The following PTPRD variants were observed in gnomAD, a reference collection of about 807,000 sequenced individuals.
PTPRD encodes protein tyrosine phosphatase receptor type D.
PTPRD carries 34 observed loss-of-function variants against 214.5 expected under a neutral mutation model. The ratio of observed to expected loss-of-function variants is 0.16; its 90% CI spans 0.12 to 0.21. PTPRD has a LOEUF of 0.21. Among genes scored for constraint, PTPRD ranks in the 10% least tolerant of loss-of-function variants. The pLI, the probability that PTPRD is intolerant of heterozygous loss-of-function variation, is 1.00. For missense variants in PTPRD, 2,545 were observed against 2,398.7 expected, an observed-to-expected ratio of 1.06 and a Z score of -1.27; for synonymous variants, 1,128 against 845.7, an observed-to-expected ratio of 1.33 and a Z score of -5.79.
chr9:9,889,317 G>T (rs150077584), intron 5 of PTPRD, among the ~76,000 whole-genome samples: 1 of 152,190 alleles, frequency 6.6e-6, no homozygotes, highest in East Asian at 1.9e-4. Context: ...GTGTTAACTA[G>T]CTAGATTTAG....
At chr9:8,885,631 G>C (rs2098481103) in intron 11 of PTPRD, among the ~76,000 whole-genome samples, 1 of 151,416 alleles carries the variant, frequency 6.6e-6, no homozygotes, top group Admixed American at 6.6e-5. Flanking sequence ...CTAGTAGCTG[G>C]GATTATGGGT....
chr9:8,559,190 A>G (rs1593748466), intron 14 of PTPRD, among the ~76,000 whole-genome samples: 1 of 152,238 alleles, frequency 6.6e-6, no homozygotes, highest in East Asian at 1.9e-4. Context: ...CTAGCATTCA[A>G]TAGTACAGTA....
chr9:10,240,832 T>A (rs976780691), intron 3 of PTPRD, among the ~76,000 whole-genome samples: 4 of 151,838 alleles, frequency 2.6e-5, no homozygotes, highest in Non-Finnish European at 5.9e-5. Context: ...AATCATGAAC[T>A]ACAAAATTAA....
At chr9:10,335,953 G>A (rs552308348) in intron 3 of PTPRD, among the ~76,000 whole-genome samples, 24 of 151,886 alleles carry the variant, frequency 1.6e-4, no homozygotes, top group African/African-American at 5.5e-4. Flanking sequence ...ATGCTGTCAA[G>A]GATGTGGAAC....
intron 10 of PTPRD, among the ~76,000 whole-genome samples, chr9:9,161,443 T>G (rs1203117443): frequency 6.6e-6 from 1 of 152,106 alleles, no homozygotes; most frequent in Non-Finnish European, 1.5e-5. Flanking sequence ...GCTAAAGTGA[T>G]CACAAGATGC....
At chr9:8,753,921 G>C (rs546656491) in intron 11 of PTPRD, among the ~76,000 whole-genome samples, 10 of 152,068 alleles carry the variant, frequency 6.6e-5, no homozygotes, top group South Asian at 2.1e-4. Context: ...GAGGAGGTTG[G>C]ATCACCTGAG....
intron 43 of PTPRD, among the ~76,000 whole-genome samples, chr9:8,335,770 C>G (rs1161347498): frequency 2.6e-5 from 4 of 152,042 alleles, no homozygotes; most frequent in African/African-American, 9.7e-5. Flanking sequence ...AAATCTCAAG[C>G]TGATAAGAAA....
chr9:9,413,534 A>G (rs2142034717), intron 8 of PTPRD, among the ~76,000 whole-genome samples: 1 of 152,356 alleles, frequency 6.6e-6, no homozygotes, highest in East Asian at 1.9e-4. Context: ...GAATTTTATT[A>G]TTAAAGGCTT....
chr9:8,400,724 T>TCTGTGTGA (rs1181847942), intron 36 of PTPRD, among the ~76,000 whole-genome samples: 2 of 152,174 alleles, frequency 1.3e-5, no homozygotes, highest in Non-Finnish European at 2.9e-5. Context: ...TTATTTATAT[T>TCTGTGTGA]CTGTGTGACT....
chr9:10,317,134 A>G (rs893468535), intron 3 of PTPRD, among the ~76,000 whole-genome samples: 3 of 151,924 alleles, frequency 2.0e-5, no homozygotes, highest in African/African-American at 7.2e-5. Context: ...ATTTTGAGCA[A>G]TATAGAAACA....
intron 2 of PTPRD, among the ~76,000 whole-genome samples, chr9:10,565,173 C>A (rs760919265): frequency 6.6e-6 from 1 of 151,958 alleles, no homozygotes; most frequent in African/African-American, 2.4e-5. Flanking sequence ...AATGTAGGCA[C>A]GTATTTCTAT....
At chr9:9,058,616 A>AT (rs1185063513) in intron 10 of PTPRD, among the ~76,000 whole-genome samples, 145 of 150,244 alleles carry the variant, frequency 9.7e-4, no homozygotes, top group African/African-American at 3.1e-3. Flanking sequence ...CGCCCGGCTA[A>AT]TTTTTTGTAT....
chr9:9,362,077 G>A (rs1358857317), intron 9 of PTPRD, among the ~76,000 whole-genome samples: 1 of 150,952 alleles, frequency 6.6e-6, no homozygotes, highest in Non-Finnish European at 1.5e-5. Flanking sequence ...AAGATCGAGT[G>A]GAATTAAACT....
At chr9:9,023,595 G>C (rs530135854) in intron 10 of PTPRD, among the ~76,000 whole-genome samples, 4 of 151,784 alleles carry the variant, frequency 2.6e-5, no homozygotes, top group Non-Finnish European at 5.9e-5. Flanking sequence ...TGTTACAGGG[G>C]TATATCGCAT....
intron 3 of PTPRD, among the ~76,000 whole-genome samples, chr9:10,097,196 G>A (rs1429374955): frequency 1.4e-5 from 2 of 146,448 alleles, no homozygotes; most frequent in African/African-American, 4.9e-5. Context: ...TGTTCTTTTG[G>A]CTTAGGATTG....
intron 8 of PTPRD, among the ~76,000 whole-genome samples, chr9:9,433,470 G>A (rs2084007856): frequency 6.6e-6 from 1 of 152,088 alleles, no homozygotes; most frequent in Non-Finnish European, 1.5e-5. Flanking sequence ...CAATCAACAA[G>A]GATTCTTCTC....
intron 2 of PTPRD, among the ~76,000 whole-genome samples, chr9:10,557,055 T>C (rs868467946): frequency 7.2e-5 from 11 of 152,142 alleles, no homozygotes; most frequent in Admixed American, 7.2e-4. Context: ...TTACTTGTAA[T>C]TCAGGTTTTC....
At chr9:8,518,512 G>C in intron 20 of PTPRD, 83 bp from the exon 21 acceptor site, 1 of 1,010,314 alleles carries the variant, frequency 9.9e-7, no homozygotes, top group Non-Finnish European at 1.4e-6. Context: ...CTATGAAAAT[G>C]ACAGGATTAT....
intron 2 of PTPRD, among the ~76,000 whole-genome samples, chr9:10,364,216 T>TG (rs2097465551): frequency 6.6e-6 from 1 of 151,984 alleles, no homozygotes; most frequent in Admixed American, 6.6e-5. Context: ...TTAGCCAGGA[T>TG]GGTCTCGATC....
Sources: gnomAD v4.1 joint callset for allele counts (sites outside exome capture counted in the v4.1 genomes callset) on GRCh38, gnomAD v4.1.1 for gene constraint, MANE v1.5 for transcripts, NCBI Gene and HGNC (gene_info 2026-07-23, HGNC 2026-07-21) for gene names.